PSMA2: variants seen among roughly 807,000 people sequenced by gnomAD.
The protein encoded by PSMA2 is proteasome subunit alpha type-2.
Under a neutral mutation model 35.9 loss-of-function variants are expected in PSMA2, and 2 were observed. That is an observed-to-expected ratio of 0.06 (90% CI 0.02 to 0.18). The LOEUF (loss-of-function observed/expected upper bound fraction) is 0.18, where lower values mean the gene tolerates loss of function less well. Among genes scored for constraint, PSMA2 ranks in the 10% least tolerant of loss-of-function variants. The probability of loss-of-function intolerance (pLI) is 1.00; values close to 1 mark genes in which losing one functional copy is unlikely to be tolerated. For synonymous variants in PSMA2, 97 were observed against 98.2 expected, an observed-to-expected ratio of 0.99 and a Z score of 0.07; for missense variants, 126 against 278.8, an observed-to-expected ratio of 0.45 and a Z score of 3.90.
chr7:42,928,181 A>G (rs73108798), intron 1 of PSMA2, among the ~76,000 whole-genome samples: 3,165 of 152,308 alleles, frequency 0.021, 60 homozygotes, highest in Middle Eastern at 0.065. Context: ...TTGTGGGGGT[A>G]CTGAAATCAC....
At chr7:42,921,704 G>A (rs781473132) in intron 6 of PSMA2, 154 bp downstream of exon 6, 6 of 461,294 alleles carry the variant, frequency 1.3e-5, no homozygotes, top group African/African-American at 4.0e-5. Context: ...TAGGAAACTA[G>A]AAGGGAGAGA....
chr7:42,925,737 T>G (rs1302810770), intron 3 of PSMA2, among the ~76,000 whole-genome samples: 1 of 152,222 alleles, frequency 6.6e-6, no homozygotes, highest in Non-Finnish European at 1.5e-5. Flanking sequence ...TGTGTGACAG[T>G]CATGTCCCAT....
intron 1 of PSMA2, among the ~76,000 whole-genome samples, chr7:42,929,574 T>A (rs1583609654): frequency 6.6e-6 from 1 of 152,320 alleles, no homozygotes; most frequent in East Asian, 1.9e-4. Flanking sequence ...AGCATCAGCA[T>A]CCCTACATGG....
At chr7:42,932,093 A>G in intron 1 of PSMA2, 25 bp downstream of exon 1, 1 of 1,614,036 alleles carries the variant, frequency 6.2e-7, no homozygotes, top group African/African-American at 1.3e-5. Flanking sequence ...GACTACGCTG[A>G]AGACCTCGAG....
At chr7:42,927,283 T>G in intron 2 of PSMA2, 100 bp downstream of exon 2, 1 of 1,065,082 alleles carries the variant, frequency 9.4e-7, no homozygotes, top group Non-Finnish European at 1.4e-6. Flanking sequence ...TTGTTAAAAA[T>G]TATACTGCTG....
In PSMA2 at chr7:42,926,814, A is replaced by C. The variant is rs1269374759; in HGVS notation, c.119-146T>G. The C allele has an allele frequency of 4.1e-5, 41 of 991,746 alleles. 1 individual carries two copies. The Admixed American group carries it at 1.4e-3, about 33-fold the overall frequency. The allele number at this position is 991,746 out of a possible 1,614,324, so 61.4% of individuals were successfully genotyped here. A position where few individuals can be genotyped will look rare whatever the true frequency, so the allele number is the denominator to read the frequency against. ...CTTCCGGAGTCCTATTACCAAAATT[A>C]CCTAAGAAATGGTAAGTCAGTTTTT... On this transcript the variant is annotated intron_variant, in intron 2 of 7. Coordinates refer to ENST00000223321, the MANE Select transcript of PSMA2 (RefSeq NM_002787.5).
In PSMA2 at chr7:42,917,828, C is replaced by T. The variant is rs1337758770; in HGVS notation, c.538G>A (p.Glu180Lys). The T allele has an allele frequency of 2.5e-6, 4 of 1,600,312 alleles. No homozygotes were observed. Among genetic ancestry groups the T allele is most frequent in the Non-Finnish European group, 3.4e-6 (4 of 1,171,654 alleles). Residue 180 changes from glutamate to lysine, a missense_variant, in exon 7 of 8, where the codon GAA (glutamate) becomes AAA (lysine). Glu to Lys is a moderately conservative substitution (Grantham distance 56, BLOSUM62 1). Coordinates refer to ENST00000223321, the MANE Select transcript of PSMA2 (RefSeq NM_002787.5). ...ATGGCATCTTCAAGTTCCAGATCTT[C>T]ATTATATCTGAAGAATTTAAAAAAA... Reference protein sequence around the residue: ...GKTFLEKRYNEDLELEDAIHT... With the variant: ...GKTFLEKRYNKDLELEDAIHT...
In PSMA2 at chr7:42,917,699, G is replaced by C; in HGVS notation, c.589-9C>G. The C allele has an allele frequency of 6.2e-7, 1 of 1,612,550 alleles. No homozygotes were observed. The highest frequency in any genetic ancestry group is 8.5e-7 in the Non-Finnish European group (1 of 1,179,056). On this transcript the variant is annotated splice_polypyrimidine_tract_variant and intron_variant, in intron 7 of 7. Coordinates refer to ENST00000223321, the MANE Select transcript of PSMA2 (RefSeq NM_002787.5). ...TGCCCTTCAAAGCTTTCCTATTGAG[G>C]AGGGAGGAAAAAAGGTCAATTTTCT...
intron 1 of PSMA2, among the ~76,000 whole-genome samples, chr7:42,928,010 C>T (rs1212684890): frequency 2.0e-5 from 3 of 152,004 alleles, no homozygotes; most frequent in Non-Finnish European, 4.4e-5. Flanking sequence ...TTTTTGTCTG[C>T]CACATGGAGC....
chr7:42,919,786 A>T (rs192506823), intron 6 of PSMA2: 2 of 665,932 alleles, frequency 3.0e-6, no homozygotes, highest in Non-Finnish European at 5.6e-6. Context: ...TGTTAAACTT[A>T]TAAGTATGAT....
intron 6 of PSMA2, chr7:42,919,277 C>A: frequency 1.6e-6 from 1 of 614,774 alleles, no homozygotes; most frequent in South Asian, 1.4e-5. Context: ...GCAGCCACAG[C>A]AGCTGCAGAT....
At chr7:42,931,649 G>A (rs997358473) in intron 1 of PSMA2, among the ~76,000 whole-genome samples, 14 of 152,118 alleles carry the variant, frequency 9.2e-5, no homozygotes, top group Non-Finnish European at 1.9e-4. Flanking sequence ...AGTGCCAAAT[G>A]GAGACCAAGA....
chr7:42,924,549 T>C (rs908493952), intron 4 of PSMA2, 126 bp downstream of exon 4: 38 of 958,518 alleles, frequency 4.0e-5, no homozygotes, highest in Admixed American at 7.8e-5. Context: ...ATATTCATCA[T>C]AGTGATTCTG....
intron 1 of PSMA2, among the ~76,000 whole-genome samples, chr7:42,927,917 AG>A (rs1364841105): frequency 3.3e-5 from 5 of 150,852 alleles, no homozygotes; most frequent in South Asian, 2.1e-4. Context: ...AAAAAAAAAA[AG>A]AGAAAGACAG....
chr7:42,922,615 T>C (rs1786142989), intron 5 of PSMA2, among the ~76,000 whole-genome samples: 1 of 152,148 alleles, frequency 6.6e-6, no homozygotes. Flanking sequence ...CTATCAAAGT[T>C]CCCAAAATAC....
chr7:42,930,940 T>G (rs1786297859), intron 1 of PSMA2, among the ~76,000 whole-genome samples: 2 of 152,214 alleles, frequency 1.3e-5, no homozygotes. Context: ...TTAATCTCGT[T>G]CAAAGGTTAC....
At chr7:42,919,347 A>T in intron 6 of PSMA2, 1 of 577,790 alleles carries the variant, frequency 1.7e-6, no homozygotes, top group Non-Finnish European at 3.5e-6. Context: ...TCATAAACAC[A>T]TTATCAAGAC....
At position 42,926,392 on chromosome 7, in the gene PSMA2, A is replaced by C. The variant is rs1278848339; in HGVS notation, c.251+144T>G. 7.4e-6 allele frequency: 7 copies of C among 950,444 alleles called. No homozygotes were observed. The East Asian group carries it at 1.9e-4, about 26-fold the overall frequency. 58.9% of individuals were successfully genotyped at this position (950,444 alleles called of 1,614,324 possible). A position where few individuals can be genotyped will look rare whatever the true frequency, so the allele number is the denominator to read the frequency against. On this transcript the variant is annotated intron_variant, in intron 3 of 7. Coordinates refer to ENST00000223321, the MANE Select transcript of PSMA2 (RefSeq NM_002787.5). The stretch of plus-strand genomic sequence containing the variant: ...TACAGGCAAACTAAATTCAGCTCTC[A>C]ACGAGGCTGCTATTGCTAAACAAAG...
Position 42,924,285 on chromosome 7 carries a change from C to G in PSMA2, c.374+390G>C, listed in dbSNP as rs541326816. Among the ~76,000 whole-genome samples, 6 of 129,292 alleles carry G rather than the reference C, an allele frequency of 4.6e-5. 1 individual carries two copies. Among genetic ancestry groups the G allele is most frequent in the African/African-American group, 1.8e-4 (6 of 33,940 alleles). The allele number at this position is 129,292 out of a possible 152,430, so 84.8% of individuals were successfully genotyped here. On this transcript the variant is annotated intron_variant, in intron 4 of 7. Coordinates refer to ENST00000223321, the MANE Select transcript of PSMA2 (RefSeq NM_002787.5). ...CGCATAATTGCTTGATCCCAGGAGGCAGAGGTTGCAGTGAGCCGGGATCAT... is the reference window on the plus strand; with the variant it reads ...CGCATAATTGCTTGATCCCAGGAGGGAGAGGTTGCAGTGAGCCGGGATCAT...
Sources: gnomAD v4.1 joint callset for allele counts (sites outside exome capture counted in the v4.1 genomes callset) on GRCh38, gnomAD v4.1.1 for gene constraint, MANE v1.5 for transcripts, NCBI Gene and HGNC (gene_info 2026-07-23, HGNC 2026-07-21) for gene names.